Variants in PLD5 observed in about 807,000 individuals in gnomAD.
PLD5 encodes the protein phospholipase D family member 5.
PLD5 carries 36 observed loss-of-function variants against 61.1 expected under a neutral mutation model. The ratio of observed to expected loss-of-function variants is 0.59; its 90% CI spans 0.45 to 0.78. The LOEUF is 0.78. Ranked by LOEUF, PLD5 falls within the 30% of genes least tolerant of loss-of-function variation. The probability of loss-of-function intolerance (pLI) is 0.00; values close to 1 mark genes in which losing one functional copy is unlikely to be tolerated. For missense variants in PLD5, 515 were observed against 644.4 expected (o/e 0.80, Z 2.17); for synonymous variants, 243 against 242.8 (o/e 1.00, Z -0.01).
chr1:242,191,638 G>T (rs1472271860), intron 5 of PLD5, among the ~76,000 whole-genome samples: 1 of 152,052 alleles, frequency 6.6e-6, no homozygotes, highest in Non-Finnish European at 1.5e-5. Context: ...GCAGAAAAAG[G>T]AACAAACCCA....
At chr1:242,142,736 CTCTCTCTCTGTCTCTA>C (rs1188526317) in intron 5 of PLD5, among the ~76,000 whole-genome samples, 8 of 151,928 alleles carry the variant, frequency 5.3e-5, no homozygotes, top group Admixed American at 5.2e-4. Flanking sequence ...CTCTCTCTCT[CTCTCTCTCTGTCTCTA>C]TCTCTCTGTC....
chr1:242,465,327 T>C (rs73142180), intron 1 of PLD5, among the ~76,000 whole-genome samples: 3,174 of 152,330 alleles, frequency 0.021, 101 homozygotes, highest in African/African-American at 0.071. Context: ...ACATGATCTT[T>C]CTTTTGGATT....
intron 1 of PLD5, among the ~76,000 whole-genome samples, chr1:242,430,123 A>G (rs1290112662): frequency 6.6e-6 from 1 of 152,212 alleles, no homozygotes; most frequent in Non-Finnish European, 1.5e-5. Context: ...AATTTCCTCA[A>G]GCTCCTGCAT....
chr1:242,146,122 T>G (rs1664528443), intron 5 of PLD5, among the ~76,000 whole-genome samples: 1 of 152,244 alleles, frequency 6.6e-6, no homozygotes, highest in Non-Finnish European at 1.5e-5. Flanking sequence ...GTTATCATTA[T>G]CAGTGTTGCT....
At chr1:242,376,959 A>T in intron 1 of PLD5, 1 of 1,610,640 alleles carries the variant, frequency 6.2e-7, no homozygotes, top group Non-Finnish European at 8.5e-7. Flanking sequence ...GGATTTGATG[A>T]AGGCCATGCC....
chr1:242,486,830 GAC>G (rs1667979457), intron 1 of PLD5, among the ~76,000 whole-genome samples: 1 of 152,016 alleles, frequency 6.6e-6, no homozygotes, highest in African/African-American at 2.4e-5. Flanking sequence ...AACAATGATA[GAC>G]TGGATTAAGA....
intron 1 of PLD5, among the ~76,000 whole-genome samples, chr1:242,484,249 CA>C (rs1268332084): frequency 1.3e-5 from 2 of 152,122 alleles, no homozygotes; most frequent in African/African-American, 2.4e-5. Context: ...AAAAACCCTT[CA>C]AAAAATCAAT....
intron 1 of PLD5, among the ~76,000 whole-genome samples, chr1:242,506,135 G>A (rs1268084497): frequency 1.3e-5 from 2 of 152,114 alleles, no homozygotes; most frequent in African/African-American, 4.8e-5. Flanking sequence ...TTAACACTGG[G>A]GGAACCTCGA....
intron 2 of PLD5, among the ~76,000 whole-genome samples, chr1:242,332,975 G>T (rs12026898): frequency 0.084 from 12,790 of 152,178 alleles, 684 homozygotes; most frequent in East Asian, 0.24. Context: ...TGCAGGAGGG[G>T]TTGCCTCAGG....
intron 3 of PLD5, among the ~76,000 whole-genome samples, chr1:242,270,582 T>C (rs1023403077): frequency 3.9e-5 from 6 of 152,234 alleles, no homozygotes; most frequent in Admixed American, 3.9e-4. Context: ...CATTCCCAGC[T>C]ACGGTCTAAT....
intron 2 of PLD5, among the ~76,000 whole-genome samples, chr1:242,327,551 C>T (rs1658876583): frequency 6.6e-6 from 1 of 152,074 alleles, no homozygotes; most frequent in Admixed American, 6.5e-5. Flanking sequence ...AATAATAAAA[C>T]TCAAGATAGA....
At chr1:242,440,424 G>A (rs572224321) in intron 1 of PLD5, among the ~76,000 whole-genome samples, 1 of 152,300 alleles carries the variant, frequency 6.6e-6, no homozygotes, top group Middle Eastern at 3.4e-3. Context: ...CCACCTAAGT[G>A]TAGTTCCTAA....
chr1:242,466,796 G>A (rs901441016), intron 1 of PLD5, among the ~76,000 whole-genome samples: 1 of 152,012 alleles, frequency 6.6e-6, no homozygotes, highest in African/African-American at 2.4e-5. Context: ...GGGAGGCTGA[G>A]GCAGGAGAAT....
At chr1:242,518,518 T>A (rs1270738284) in intron 1 of PLD5, among the ~76,000 whole-genome samples, 1 of 152,188 alleles carries the variant, frequency 6.6e-6, no homozygotes, top group Non-Finnish European at 1.5e-5. Flanking sequence ...TTATTACAAC[T>A]ACTGCCATGT....
rs180942734 is a variant in PLD5, at chr1:242,518,919, T to C, written c.189+5169A>G. Among the ~76,000 whole-genome samples the C allele has an allele frequency of 3.3e-5, 5 of 152,294 alleles. No homozygotes were observed. The East Asian group carries it at 9.7e-4, about 29-fold the overall frequency. On this transcript the variant is annotated intron_variant, in intron 1 of 9. Coordinates refer to ENST00000536534, the MANE Select transcript of PLD5 (RefSeq NM_001372062.1). ...GTGGTGACAAGGACAGTGATGGACA[T>C]GCCCTGAGATCCACTGGAAGACACT...
chr1:242,470,820 G>T (rs972359936), intron 1 of PLD5, among the ~76,000 whole-genome samples: 1 of 152,148 alleles, frequency 6.6e-6, no homozygotes, highest in Non-Finnish European at 1.5e-5. Context: ...TCCTGCCCCT[G>T]TCTTCTTTCT....
At chr1:242,461,722 T>C (rs1464265782) in intron 1 of PLD5, among the ~76,000 whole-genome samples, 1 of 152,210 alleles carries the variant, frequency 6.6e-6, no homozygotes, top group Non-Finnish European at 1.5e-5. Flanking sequence ...TGTATAAGCA[T>C]TCCCTTTCTC....
At chr1:242,492,115 G>T (rs1306471169) in intron 1 of PLD5, among the ~76,000 whole-genome samples, 20 of 152,148 alleles carry the variant, frequency 1.3e-4, no homozygotes, top group Admixed American at 1.2e-3. Flanking sequence ...TTATGAGGGT[G>T]TCTACTGTCA....
At chr1:242,303,116 T>C (rs772135021) in intron 2 of PLD5, among the ~76,000 whole-genome samples, 41 of 152,146 alleles carry the variant, frequency 2.7e-4, no homozygotes, top group Non-Finnish European at 5.1e-4. Flanking sequence ...TTTCAGAAAA[T>C]GATCATGAGG....
Sources: allele counts gnomAD v4.1 joint callset (sites outside exome capture counted in the v4.1 genomes callset), GRCh38; gene constraint gnomAD v4.1.1; transcripts MANE v1.5; gene names NCBI Gene and HGNC (gene_info 2026-07-23, HGNC 2026-07-21).